Variants in ARK2N observed in about 807,000 individuals in gnomAD.
ARK2N encodes protein ARK2N.
At chr18:46,188,942 G>C in the ARK2N span, among the ~76,000 whole-genome samples, 14 of 152,020 alleles carry the variant, frequency 9.2e-5, no homozygotes, top group Admixed American at 5.2e-4. Context: ...ACCGGGTGCG[G>C]GGTGGCTCAC....
chr18:46,220,383 A>G, the ARK2N span, among the ~76,000 whole-genome samples: 1 of 152,218 alleles, frequency 6.6e-6, no homozygotes, highest in Non-Finnish European at 1.5e-5. Context: ...ATGACCAGCT[A>G]TCATCTTACC....
the ARK2N span, among the ~76,000 whole-genome samples, chr18:46,204,457 A>G: frequency 6.6e-6 from 1 of 152,198 alleles, no homozygotes; most frequent in Non-Finnish European, 1.5e-5. Flanking sequence ...GACCTTCTTT[A>G]AAGTTGCCTT....
the ARK2N span, among the ~76,000 whole-genome samples, chr18:46,194,333 G>A: frequency 6.6e-6 from 1 of 151,898 alleles, no homozygotes; most frequent in Non-Finnish European, 1.5e-5. Flanking sequence ...AGGTGCGGGG[G>A]CTCACGCCTG....
chr18:46,240,726 A>G, the ARK2N span, among the ~76,000 whole-genome samples: 1 of 152,066 alleles, frequency 6.6e-6, no homozygotes. Flanking sequence ...TTAGCTCAGG[A>G]AAAAAAATCT....
chr18:46,198,468 TCTAC>T, the ARK2N span, among the ~76,000 whole-genome samples: 3 of 152,314 alleles, frequency 2.0e-5, no homozygotes, highest in South Asian at 6.2e-4. Flanking sequence ...ATTTTGATTC[TCTAC>T]CTTTCACCTT....
chr18:46,226,837 C>A, the ARK2N span, among the ~76,000 whole-genome samples: 1 of 133,478 alleles, frequency 7.5e-6, no homozygotes, highest in Non-Finnish European at 1.6e-5. Context: ...GATGGAGTTT[C>A]GCTCTTGTTG....
the ARK2N span, chr18:46,263,144 A>T: frequency 1.3e-6 from 2 of 1,562,898 alleles, no homozygotes; most frequent in Non-Finnish European, 1.7e-6. Context: ...TTTCCTCTGC[A>T]CTGTTCCCTT....
chr18:46,188,962 C>T, the ARK2N span, among the ~76,000 whole-genome samples: 3 of 152,198 alleles, frequency 2.0e-5, no homozygotes, highest in African/African-American at 7.2e-5. Context: ...CGCCTGTAAT[C>T]CCAACACTTT....
At chr18:46,243,655 T>C in the ARK2N span, among the ~76,000 whole-genome samples, 1 of 152,206 alleles carries the variant, frequency 6.6e-6, no homozygotes, top group East Asian at 1.9e-4. Flanking sequence ...ATTCTTGCCA[T>C]GTGTTTGCTT....
the ARK2N span, chr18:46,218,536 A>G: frequency 6.6e-5 from 10 of 152,216 alleles, no homozygotes. Flanking sequence ...TAAGACAGGT[A>G]TGAATGATCT....
chr18:46,259,892 TGTGTGTGC>T, the ARK2N span, among the ~76,000 whole-genome samples: 267 of 132,084 alleles, frequency 2.0e-3, 8 homozygotes, highest in Non-Finnish European at 2.5e-3. Context: ...CGTCTGTGTG[TGTGTGTGC>T]GACAGAGATG....
At chr18:46,253,086 A>C in the ARK2N span, among the ~76,000 whole-genome samples, 1 of 152,232 alleles carries the variant, frequency 6.6e-6, no homozygotes, top group Non-Finnish European at 1.5e-5. Flanking sequence ...ATTTACCTCC[A>C]GCCTTCCTTT....
the ARK2N span, among the ~76,000 whole-genome samples, chr18:46,258,339 G>A: frequency 6.6e-6 from 1 of 152,120 alleles, no homozygotes; most frequent in Non-Finnish European, 1.5e-5. Context: ...TGTTATCTAA[G>A]AGGTCACCTT....
chr18:46,243,416 A>G, the ARK2N span, among the ~76,000 whole-genome samples: 242 of 152,302 alleles, frequency 1.6e-3, 1 homozygote, highest in African/African-American at 5.5e-3. Flanking sequence ...CAACAGCAGC[A>G]TCTCAACCCA....
At chr18:46,183,326 C>T in the ARK2N span, among the ~76,000 whole-genome samples, 1 of 152,138 alleles carries the variant, frequency 6.6e-6, no homozygotes, top group Admixed American at 6.6e-5. Context: ...TTTTCTCTGA[C>T]CCCTGGGTTT....
At chr18:46,174,993 G>A in the ARK2N span, among the ~76,000 whole-genome samples, 1 of 152,202 alleles carries the variant, frequency 6.6e-6, no homozygotes, top group Non-Finnish European at 1.5e-5. Flanking sequence ...CTCCAAAATA[G>A]ACCGCTTCTG....
At chr18:46,206,517 T>A in the ARK2N span, among the ~76,000 whole-genome samples, 1 of 152,184 alleles carries the variant, frequency 6.6e-6, no homozygotes, top group Non-Finnish European at 1.5e-5. Flanking sequence ...CTTTAAAATA[T>A]CTTCTCTCAA....
the ARK2N span, among the ~76,000 whole-genome samples, chr18:46,207,676 C>T: frequency 1.2e-4 from 18 of 152,302 alleles, no homozygotes; most frequent in South Asian, 4.1e-4. Flanking sequence ...GCGTGAGCCA[C>T]GGCGCCTGAC....
chr18:46,213,092 C>T, the ARK2N span, among the ~76,000 whole-genome samples: 2 of 148,870 alleles, frequency 1.3e-5, no homozygotes, highest in Non-Finnish European at 3.0e-5. Context: ...AGCTCCACCT[C>T]CCGGGTTCAA....
Sources: allele counts gnomAD v4.1 joint callset (sites outside exome capture counted in the v4.1 genomes callset), GRCh38; gene constraint gnomAD v4.1.1; transcripts MANE v1.5; gene names NCBI Gene and HGNC (gene_info 2026-07-23, HGNC 2026-07-21).